Variants in XYLT1 observed in about 807,000 individuals in gnomAD.
XYLT1 encodes beta-D-xylosyltransferase 1.
In XYLT1, 36 loss-of-function variants were observed where a neutral mutation model predicts 91.3. That is an observed-to-expected ratio of 0.39 (90% CI 0.30 to 0.52). The LOEUF (loss-of-function observed/expected upper bound fraction) is 0.52, where lower values mean the gene tolerates loss of function less well. Among genes scored for constraint, XYLT1 ranks in the 20% least tolerant of loss-of-function variants. The pLI is 0.68. For synonymous variants in XYLT1, 588 were observed against 532.0 expected (o/e 1.11, Z -1.45); for missense variants, 1,242 against 1,284.5 (o/e 0.97, Z 0.51).
intron 4 of XYLT1, among the ~76,000 whole-genome samples, chr16:17,199,376 T>A (rs2032490260): frequency 6.6e-6 from 1 of 152,224 alleles, no homozygotes; most frequent in Admixed American, 6.5e-5. Flanking sequence ...TGACATGTTC[T>A]CCTTGGCTGC....
chr16:17,265,901 TG>T, intron 2 of XYLT1, among the ~76,000 whole-genome samples: 1 of 152,308 alleles, frequency 6.6e-6, no homozygotes, highest in Non-Finnish European at 1.5e-5. Flanking sequence ...GGAGAAGACC[TG>T]GGTACTAGTA....
intron 2 of XYLT1, among the ~76,000 whole-genome samples, chr16:17,311,906 T>C (rs1353498170): frequency 1.3e-5 from 2 of 150,632 alleles, no homozygotes; most frequent in Admixed American, 6.6e-5. Flanking sequence ...ATGAGACTTA[T>C]TCACTACAAT....
intron 10 of XYLT1, among the ~76,000 whole-genome samples, chr16:17,120,998 CATCT>C (rs1371997774): frequency 6.6e-6 from 1 of 152,178 alleles, no homozygotes; most frequent in African/African-American, 2.4e-5. Context: ...CGTATCCACC[CATCT>C]GTCTGTCTGT....
chr16:17,278,360 T>G (rs2034009078), intron 2 of XYLT1, among the ~76,000 whole-genome samples: 1 of 152,204 alleles, frequency 6.6e-6, no homozygotes, highest in Non-Finnish European at 1.5e-5. Flanking sequence ...GAAGCCGGGC[T>G]GCTTCCCTTT....
intron 8 of XYLT1, among the ~76,000 whole-genome samples, chr16:17,136,360 C>A (rs1287179289): frequency 1.3e-5 from 2 of 152,136 alleles, no homozygotes; most frequent in East Asian, 3.9e-4. Context: ...CGTAAGTACC[C>A]TTGGTGTTAT....
intron 2 of XYLT1, among the ~76,000 whole-genome samples, chr16:17,316,564 T>C (rs2034635359): frequency 6.6e-6 from 1 of 151,658 alleles, no homozygotes; most frequent in Non-Finnish European, 1.5e-5. Context: ...GCCTGGATGA[T>C]TTTGTTAACT....
chr16:17,173,852 C>G (rs2141560055), intron 5 of XYLT1, among the ~76,000 whole-genome samples: 1 of 152,326 alleles, frequency 6.6e-6, no homozygotes, highest in South Asian at 2.1e-4. Context: ...CCTCAATTTC[C>G]TTGTCTAAGT....
At chr16:17,221,611 C>T (rs1313705222) in intron 3 of XYLT1, among the ~76,000 whole-genome samples, 1 of 152,118 alleles carries the variant, frequency 6.6e-6, no homozygotes. Context: ...TGGTGGGGTG[C>T]ACCTGTAGTC....
At chr16:17,247,379 G>A (rs137879660) in intron 3 of XYLT1, among the ~76,000 whole-genome samples, 93 of 152,232 alleles carry the variant, frequency 6.1e-4, no homozygotes, top group African/African-American at 2.2e-3. Context: ...GGAACGCCAA[G>A]AAAATCATCA....
chr16:17,248,919 G>A (rs1179006056), intron 3 of XYLT1, among the ~76,000 whole-genome samples: 1 of 151,722 alleles, frequency 6.6e-6, no homozygotes, highest in East Asian at 1.9e-4. Context: ...GAGAGATGGG[G>A]TTTCACTATG....
chr16:17,233,212 C>T (rs781195662), intron 3 of XYLT1, among the ~76,000 whole-genome samples: 10 of 152,194 alleles, frequency 6.6e-5, no homozygotes, highest in Non-Finnish European at 1.2e-4. Flanking sequence ...CATCCCCTGC[C>T]GGCTTCAAGG....
intron 2 of XYLT1, among the ~76,000 whole-genome samples, chr16:17,338,761 T>C (rs1319735938): frequency 1.3e-5 from 2 of 152,174 alleles, no homozygotes; most frequent in Non-Finnish European, 2.9e-5. Context: ...ATTTTTGCAT[T>C]TTTAGTAGAG....
intron 10 of XYLT1, among the ~76,000 whole-genome samples, chr16:17,124,550 C>G (rs1434435793): frequency 6.6e-6 from 1 of 152,110 alleles, no homozygotes; most frequent in African/African-American, 2.4e-5. Context: ...TTTCCTTTGT[C>G]TTGACTTTAG....
intron 2 of XYLT1, among the ~76,000 whole-genome samples, chr16:17,348,330 C>A (rs150212770): frequency 1.1e-3 from 172 of 152,244 alleles, no homozygotes; most frequent in African/African-American, 4.0e-3. Context: ...AGCTGCTGAA[C>A]GACTGGGCAA....
intron 11 of XYLT1, among the ~76,000 whole-genome samples, chr16:17,117,208 A>G (rs1195097426): frequency 6.6e-6 from 1 of 152,242 alleles, no homozygotes; most frequent in Non-Finnish European, 1.5e-5. Flanking sequence ...GAACATGAGT[A>G]CTTTAAAAAA....
intron 1 of XYLT1, among the ~76,000 whole-genome samples, chr16:17,455,538 G>A (rs1227119400): frequency 2.0e-5 from 3 of 151,826 alleles, no homozygotes; most frequent in Non-Finnish European, 4.4e-5. Context: ...ATCACTTGAG[G>A]TCAGAAGTCC....
At chr16:17,345,837 G>A (rs542604625) in intron 2 of XYLT1, among the ~76,000 whole-genome samples, 40 of 152,152 alleles carry the variant, frequency 2.6e-4, no homozygotes, top group African/African-American at 8.9e-4. Flanking sequence ...TTGAGAGAGA[G>A]TCTCGCTCTG....
At chr16:17,273,253 C>T (rs1215309674) in intron 2 of XYLT1, among the ~76,000 whole-genome samples, 1 of 152,188 alleles carries the variant, frequency 6.6e-6, no homozygotes, top group African/African-American at 2.4e-5. Flanking sequence ...AGTTTGACCA[C>T]AGTTTCAGAA....
chr16:17,389,554 C>T (rs989070667), intron 1 of XYLT1, among the ~76,000 whole-genome samples: 2 of 152,166 alleles, frequency 1.3e-5, no homozygotes, highest in African/African-American at 4.8e-5. Context: ...GTTTAGCCAG[C>T]CAGGCATAGA....
Sources: allele counts gnomAD v4.1 joint callset (sites outside exome capture counted in the v4.1 genomes callset), GRCh38; gene constraint gnomAD v4.1.1; transcripts MANE v1.5; gene names NCBI Gene and HGNC (gene_info 2026-07-23, HGNC 2026-07-21).